The following ELFN1 variants were observed in gnomAD, a reference collection of about 807,000 sequenced individuals.
The protein encoded by ELFN1 is protein ELFN1.
In ELFN1, 6 loss-of-function variants were observed where a neutral mutation model predicts 7.6. The ratio of observed to expected loss-of-function variants is 0.79; its 90% CI spans 0.43 to 1.56. The LOEUF is 1.56. Among genes scored for constraint, ELFN1 ranks in the 40% most tolerant of loss-of-function variants. The probability of loss-of-function intolerance (pLI) is 0.01; values close to 1 mark genes in which losing one functional copy is unlikely to be tolerated. For synonymous variants in ELFN1, 657 were observed against 588.1 expected, an observed-to-expected ratio of 1.12 and a Z score of -1.70; for missense variants, 1,169 against 1,232.2, an observed-to-expected ratio of 0.95 and a Z score of 0.77.
chr7:1,701,837 A>C (rs1279756450), intron 2 of ELFN1, among the ~76,000 whole-genome samples: 4 of 152,046 alleles, frequency 2.6e-5, no homozygotes, highest in Admixed American at 2.0e-4. Context: ...ATATATACAT[A>C]TTTTATCTTT....
intron 3 of ELFN1, among the ~76,000 whole-genome samples, chr7:1,724,807 A>C (rs6951734): frequency 6.6e-6 from 1 of 152,064 alleles, no homozygotes; most frequent in African/African-American, 2.4e-5. Context: ...CTCAAGGTCA[A>C]GGTTACCTGT....
chr7:1,690,645 GGGTGGGTGGAGA>G (rs1340776408), intron 2 of ELFN1, among the ~76,000 whole-genome samples: 5 of 150,788 alleles, frequency 3.3e-5, no homozygotes, highest in Admixed American at 2.6e-4. Flanking sequence ...ATGGATGAAT[GGGTGGGTGGAGA>G]GGTGGGTGGA....
intron 2 of ELFN1, chr7:1,693,948 C>G: frequency 2.6e-6 from 1 of 388,520 alleles, no homozygotes; most frequent in South Asian, 1.9e-5. Context: ...AAGCCCCCGT[C>G]TGGCTGTGAT....
At chr7:1,719,158 C>T (rs891706867) in intron 3 of ELFN1, among the ~76,000 whole-genome samples, 1 of 139,902 alleles carries the variant, frequency 7.1e-6, no homozygotes, top group Non-Finnish European at 1.5e-5. Context: ...AACAGGGCCC[C>T]GCCCACCAAC....
chr7:1,719,969 GCCTCCCCCACCATCACCTCTGCAAAC>G (rs1369031588), intron 3 of ELFN1, among the ~76,000 whole-genome samples: 8 of 146,122 alleles, frequency 5.5e-5, no homozygotes, highest in Admixed American at 2.0e-4. Context: ...TCAGGTGGGG[GCCTCCCCCACCATCACCTCTGCAAAC>G]CCTCCCCCAC....
Position 1,735,288 on chromosome 7 carries a change from G to C in ELFN1, c.-293-9016G>C, listed in dbSNP as rs566658241. 2.0e-5 allele frequency among the ~76,000 whole-genome samples: 3 copies of C among 152,228 alleles called. No individual in the cohort carries two copies. In the East Asian group the frequency reaches 5.8e-4, roughly 29 times the overall value. On this transcript the variant is annotated intron_variant, in intron 3 of 3. Transcript: ENST00000424383. This position sits in a 1 kb window ranked among gnomAD's most constrained non-coding sequence, Gnocchi z 5.9. ...GCAGGGGGAGCCCTGCAGCTTCCATGAGTCGTGTGGATGGCCCAAGGTCAC... is the reference window on the plus strand; with the variant it reads ...GCAGGGGGAGCCCTGCAGCTTCCATCAGTCGTGTGGATGGCCCAAGGTCAC...
Position 1,745,695 on chromosome 7 carries a change from C to T in ELFN1, c.1099C>T (p.Arg367Cys). The T allele has an allele frequency of 1.9e-6, 3 of 1,551,426 alleles. No homozygotes were observed. The highest frequency in any genetic ancestry group is 2.6e-6 in the Non-Finnish European group (3 of 1,146,994). ...SRLTKAQEEI[R>C]LTNLFTLTNY... ...GCTGACCAAGGCCCAGGAGGAGATC[C>T]GTCTGACCAACCTGTTCACGCTCAC... Residue 367 changes from arginine (R) to cysteine (C), a missense_variant, in exon 4 of 4, where the codon CGT (arginine) becomes TGT (cysteine). This residue lies in a region of ELFN1 where 914 missense variants were observed against 872.6 expected (regional missense o/e 1.05). Transcript: ENST00000424383.
In ELFN1 at chr7:1,746,554, G is replaced by C. The variant is rs549714789; in HGVS notation, c.1958G>C (p.Arg653Pro). ...TCCGTGCGCAGCCCCCGCGCCTTCCGAGCCGAGGCCGTCGGGGTGCACAAG... is the reference window on the plus strand; with the variant it reads ...TCCGTGCGCAGCCCCCGCGCCTTCCCAGCCGAGGCCGTCGGGGTGCACAAG... ...SGSVRSPRAF[R>P]AEAVGVHKAA... Residue 653 changes from arginine to proline, a missense_variant, in exon 4 of 4, where the codon CGA becomes CCA. Physicochemically the swap from Arg to Pro is moderately radical, Grantham distance 103 (BLOSUM62 -2). Transcript: ENST00000424383. The C allele has an allele frequency of 1.5e-6, 2 of 1,368,878 alleles. No individual in the cohort carries two copies. Among genetic ancestry groups the C allele is most frequent in the Admixed American group, 3.9e-5 (1 of 25,810 alleles). The allele number at this position is 1,368,878 out of a possible 1,614,324, so 84.8% of individuals were successfully genotyped here. A position where few individuals can be genotyped will look rare whatever the true frequency, so the allele number is the denominator to read the frequency against.
intron 3 of ELFN1, among the ~76,000 whole-genome samples, chr7:1,743,690 C>T (rs1583406248): frequency 6.6e-6 from 1 of 152,314 alleles, no homozygotes; most frequent in Middle Eastern, 3.4e-3. Context: ...GGAGCCCGCG[C>T]CCCGGAAGGA....
At chr7:1,727,326 G>A (rs1410159143) in intron 3 of ELFN1, among the ~76,000 whole-genome samples, 2 of 152,150 alleles carry the variant, frequency 1.3e-5, no homozygotes, top group Non-Finnish European at 2.9e-5. Context: ...ATTCTGATGG[G>A]GTTATCTCCT....
In ELFN1 at chr7:1,744,384, G is replaced by C. The variant is rs1020241258; in HGVS notation, c.-213G>C. 14 of 558,694 alleles carry C rather than the reference G, an allele frequency of 2.5e-5. No homozygotes were observed. The highest frequency in any genetic ancestry group is 3.1e-6 in the Non-Finnish European group (1 of 326,368). 34.6% of individuals were successfully genotyped at this position (558,694 alleles called of 1,614,324 possible). On this transcript the variant is annotated 5_prime_UTR_variant, in exon 4 of 4. Transcript: ENST00000424383. ...GGGCAGGAGGCCTCGGTCACCACAGGACTGGGGCGGAAGACGAGAGGCGGC... is the reference window on the plus strand; with the variant it reads ...GGGCAGGAGGCCTCGGTCACCACAGCACTGGGGCGGAAGACGAGAGGCGGC...
chr7:1,703,659 C>T (rs549365167), intron 2 of ELFN1, among the ~76,000 whole-genome samples: 2 of 152,146 alleles, frequency 1.3e-5, no homozygotes, highest in African/African-American at 2.4e-5. Flanking sequence ...CGGTGCTGAG[C>T]GGGGGAGATT....
At chr7:1,699,213 G>A (rs1039388811) in intron 2 of ELFN1, among the ~76,000 whole-genome samples, 2 of 152,170 alleles carry the variant, frequency 1.3e-5, no homozygotes, top group Non-Finnish European at 2.9e-5. Flanking sequence ...GTTGTTTCTA[G>A]TCTGGGCTAT....
chr7:1,716,408 G>A (rs1779832945), intron 3 of ELFN1, among the ~76,000 whole-genome samples: 1 of 152,202 alleles, frequency 6.6e-6, no homozygotes, highest in Non-Finnish European at 1.5e-5. Flanking sequence ...GAGCCATCTG[G>A]GCAGGTGCCA....
rs910853006 is a variant in ELFN1, at chr7:1,740,386, C to T, written c.-293-3918C>T. Among the ~76,000 whole-genome samples the T allele has an allele frequency of 2.0e-5, 3 of 152,240 alleles. No homozygotes were observed. The highest frequency in any genetic ancestry group is 4.4e-5 in the Non-Finnish European group (3 of 68,030). ...GAGCTGGGTCTGTGAAGGACAGTAA[C>T]GCCCATGCGGGGTCTCCGCACCTGC... On this transcript the variant is annotated intron_variant, in intron 3 of 3. Transcript: ENST00000424383. The surrounding 1 kb of genome is among the most constrained non-coding windows in gnomAD (Gnocchi z 5.0).
intron 3 of ELFN1, among the ~76,000 whole-genome samples, chr7:1,721,084 A>T (rs974575421): frequency 3.3e-5 from 5 of 152,338 alleles, no homozygotes. Context: ...TTGCAAAATT[A>T]AACATTGGAT....
At chr7:1,676,219 G>A (rs1052386762) in intron 1 of ELFN1, among the ~76,000 whole-genome samples, 3 of 152,212 alleles carry the variant, frequency 2.0e-5, no homozygotes, top group African/African-American at 7.2e-5. Flanking sequence ...CTGCCTGAGG[G>A]GAGCCTGCAC....
rs1436214823 is a variant in ELFN1 at position 1,705,088 on chromosome 7, A to T, written c.-455-4003A>T. Among the ~76,000 whole-genome samples the T allele has an allele frequency of 6.6e-6, 1 of 152,068 alleles. No homozygotes were observed. Among genetic ancestry groups the T allele is most frequent in the African/African-American group, 2.4e-5 (1 of 41,416 alleles). ...GGGTGGGGGGCGCGTACTGGAGAAC[A>T]GAGGGACACCCAGTGGCCAAAGGGC... On this transcript the variant is annotated intron_variant, in intron 2 of 3. Coordinates refer to ENST00000424383, the MANE Select transcript of ELFN1 (RefSeq NM_001128636.4). The surrounding 1 kb of genome is among the most constrained non-coding windows in gnomAD (Gnocchi z 4.3).
intron 1 of ELFN1, among the ~76,000 whole-genome samples, chr7:1,687,837 T>C (rs1340152189): frequency 6.6e-6 from 1 of 152,182 alleles, no homozygotes; most frequent in Non-Finnish European, 1.5e-5. Flanking sequence ...TTTGGATATT[T>C]GTATGTCATT....
Sources: gnomAD v4.1 joint callset for allele counts (sites outside exome capture counted in the v4.1 genomes callset) on GRCh38, gnomAD v4.1.1 for gene constraint, gnomAD v4.1.1 regional missense constraint, Gnocchi (gnomAD v3.1) non-coding constraint, MANE v1.5 for transcripts, NCBI Gene and HGNC (gene_info 2026-07-23, HGNC 2026-07-21) for gene names.